Variants in STIM2 observed in about 807,000 individuals in gnomAD.
STIM2 encodes the protein stromal interaction molecule 2.
A neutral mutation model predicts 85.8 loss-of-function variants in STIM2; 31 were observed. The observed-to-expected ratio is 0.36, with a 90% CI of 0.27 to 0.49. The LOEUF (loss-of-function observed/expected upper bound fraction) is 0.49, where lower values mean the gene tolerates loss of function less well. STIM2 is among the 20% of genes least tolerant of loss of function. The pLI, the probability that STIM2 is intolerant of heterozygous loss-of-function variation, is 0.98. For missense variants in STIM2, 841 were observed against 927.6 expected, an observed-to-expected ratio of 0.91 and a Z score of 1.21; for synonymous variants, 356 against 331.1, an observed-to-expected ratio of 1.08 and a Z score of -0.82.
intron 1 of STIM2, among the ~76,000 whole-genome samples, chr4:26,871,892 G>C (rs1424630148): frequency 6.6e-6 from 1 of 151,956 alleles, no homozygotes; most frequent in Non-Finnish European, 1.5e-5. Flanking sequence ...TCTAGACTAG[G>C]GCAGGATTTC....
Position 26,889,613 on chromosome 4 carries a change from T to C in STIM2, c.151+28244T>C, listed in dbSNP as rs191492363. 1.4e-4 allele frequency among the ~76,000 whole-genome samples: 22 copies of C among 152,268 alleles called. No homozygotes were observed. In the East Asian group the frequency reaches 4.2e-3, roughly 29 times the overall value. On this transcript the variant is annotated intron_variant, in intron 1 of 11. Transcript: ENST00000467087. ...GTTGGCTGATCACTCTGGGGAACGG[T>C]GCCATATCAGGGACTCATTATTGGT...
In STIM2 at chr4:26,973,383, T is replaced by C. The variant is rs188203804; in HGVS notation, c.397+15657T>C. ...TTTCTCTTGTGGGCATTTAGTGCTATAAATTTCCCTCTACACACTACTTTA... is the reference window on the plus strand; with the variant it reads ...TTTCTCTTGTGGGCATTTAGTGCTACAAATTTCCCTCTACACACTACTTTA... On this transcript the variant is annotated intron_variant, in intron 3 of 11. Transcript: ENST00000467087. Among the ~76,000 whole-genome samples, 789 of 152,346 alleles carry C rather than the reference T, an allele frequency of 5.2e-3. 8 individuals are homozygous for C. Among genetic ancestry groups the C allele is most frequent in the African/African-American group, 0.018 (766 of 41,574 alleles).
intron 1 of STIM2, among the ~76,000 whole-genome samples, chr4:26,899,166 A>G (rs1723827094): frequency 6.6e-6 from 1 of 152,036 alleles, no homozygotes; most frequent in Non-Finnish European, 1.5e-5. Context: ...TTTATGGGCT[A>G]CTGTTTTACG....
At chr4:26,894,592 G>A (rs1014909891) in intron 1 of STIM2, among the ~76,000 whole-genome samples, 4 of 150,850 alleles carry the variant, frequency 2.7e-5, no homozygotes, top group African/African-American at 7.3e-5. Context: ...GGTGCTAGTT[G>A]TGTCGTATAG....
At position 27,002,222 on chromosome 4, in the gene STIM2, C is replaced by G. The variant is rs753883702; in HGVS notation, c.631C>G (p.Pro211Ala). The G allele has an allele frequency of 6.2e-7, 1 of 1,606,422 alleles. No individual in the cohort carries two copies. The highest frequency in any genetic ancestry group is 2.2e-5 in the East Asian group (1 of 44,700). Reference sequence around the variant, plus strand: ...ATCTGTAATTCTTTTAATAGGCCCACCTCATAACTGGATGAAAGATTTTAT... The same window carrying G: ...ATCTGTAATTCTTTTAATAGGCCCAGCTCATAACTGGATGAAAGATTTTAT... Residue 211 changes from proline to alanine, a missense_variant, in exon 6 of 12, where the codon CCT becomes GCT. This residue lies in a region of STIM2 where 408 missense variants were observed against 525.4 expected (regional missense o/e 0.78). Coordinates refer to ENST00000467087, the MANE Select transcript of STIM2 (RefSeq NM_020860.4).
At chr4:27,012,250 C>G (rs1728583073) in intron 10 of STIM2, among the ~76,000 whole-genome samples, 2 of 152,080 alleles carry the variant, frequency 1.3e-5, no homozygotes, top group Non-Finnish European at 2.9e-5. Flanking sequence ...TTCAGAATTT[C>G]TACCCTTAAC....
At chr4:26,875,853 A>T (rs1375128182) in intron 1 of STIM2, among the ~76,000 whole-genome samples, 1 of 152,232 alleles carries the variant, frequency 6.6e-6, no homozygotes, top group East Asian at 1.9e-4. Context: ...TATATTCGCT[A>T]AAAGAAAGTA....
At chr4:27,005,367 C>A (rs116171408) in intron 7 of STIM2, among the ~76,000 whole-genome samples, 1 of 152,006 alleles carries the variant, frequency 6.6e-6, no homozygotes, top group South Asian at 2.1e-4. Context: ...CCCTATTATA[C>A]GTGAGACAAT....
At chr4:26,934,259 TA>T (rs1293503920) in intron 2 of STIM2, among the ~76,000 whole-genome samples, 3 of 152,170 alleles carry the variant, frequency 2.0e-5, no homozygotes, top group Non-Finnish European at 4.4e-5. Flanking sequence ...AATGTAAATG[TA>T]AATTCTAATA....
intron 1 of STIM2, among the ~76,000 whole-genome samples, chr4:26,863,445 A>G (rs1269562601): frequency 6.6e-6 from 1 of 152,162 alleles, no homozygotes; most frequent in Non-Finnish European, 1.5e-5. Context: ...ATATCTTGGT[A>G]AAGGTAAACT....
intron 3 of STIM2, among the ~76,000 whole-genome samples, chr4:26,977,305 A>G (rs891116300): frequency 6.6e-6 from 1 of 152,344 alleles, no homozygotes; most frequent in East Asian, 1.9e-4. Flanking sequence ...GGAGACAGAC[A>G]GGGACAGATC....
In STIM2 at chr4:26,860,847, G is replaced by T; in HGVS notation, c.-372G>T. The T allele has an allele frequency of 1.4e-6, 1 of 730,288 alleles. No individual in the cohort carries two copies. The highest frequency in any genetic ancestry group is 1.7e-6 in the Non-Finnish European group (1 of 592,078). The allele number at this position is 730,288 out of a possible 1,614,324, so 45.2% of individuals were successfully genotyped here. A position where few individuals can be genotyped will look rare whatever the true frequency, so the allele number is the denominator to read the frequency against. On this transcript the variant is annotated 5_prime_UTR_variant, in exon 1 of 12. Transcript: ENST00000467087. ...GTTGGTGTTTGGCGGCGCCAGAGCA[G>T]CGGATCCCGGTCTCGCCGCAGCAGC...
chr4:26,909,263 T>G (rs2109058150), intron 1 of STIM2, among the ~76,000 whole-genome samples: 1 of 152,332 alleles, frequency 6.6e-6, no homozygotes, highest in East Asian at 1.9e-4. Context: ...TACAAATATG[T>G]GCCATACTCT....
At chr4:27,012,428 T>A (rs1245154760) in intron 10 of STIM2, among the ~76,000 whole-genome samples, 1 of 142,980 alleles carries the variant, frequency 7.0e-6, no homozygotes, top group Non-Finnish European at 1.5e-5. Flanking sequence ...ATTTTCTCTG[T>A]GCAGGTCTTG....
intron 2 of STIM2, among the ~76,000 whole-genome samples, chr4:26,947,112 T>C (rs1192852243): frequency 7.0e-6 from 1 of 143,058 alleles, no homozygotes; most frequent in Non-Finnish European, 1.6e-5. Context: ...TTTCTTTCAT[T>C]GGCTTTCTAC....
At position 27,023,149 on chromosome 4, in the gene STIM2, A is replaced by G; in HGVS notation, c.*153A>G. 1.4e-6 allele frequency: 1 copy of G among 701,950 alleles called. No individual in the cohort carries two copies. The highest frequency in any genetic ancestry group is 2.4e-6 in the Non-Finnish European group (1 of 410,126). 43.5% of individuals were successfully genotyped at this position (701,950 alleles called of 1,614,324 possible). ...GCCATAGTGGAACATCCAGAAGGGCAACTGTCTACTGTCTGCTTATTTAAG... is the reference window on the plus strand; with the variant it reads ...GCCATAGTGGAACATCCAGAAGGGCGACTGTCTACTGTCTGCTTATTTAAG... On this transcript the variant is annotated 3_prime_UTR_variant, in exon 12 of 12. Coordinates refer to ENST00000467087, the MANE Select transcript of STIM2 (RefSeq NM_020860.4).
intron 1 of STIM2, among the ~76,000 whole-genome samples, chr4:26,912,764 G>A (rs1486122981): frequency 6.6e-6 from 1 of 152,098 alleles, no homozygotes; most frequent in Non-Finnish European, 1.5e-5. Context: ...TGTTGTGATA[G>A]GCATTCTTTG....
chr4:26,983,095 C>G (rs533798476), intron 3 of STIM2, among the ~76,000 whole-genome samples: 2 of 152,030 alleles, frequency 1.3e-5, no homozygotes, highest in African/African-American at 4.8e-5. Flanking sequence ...CATGTGGGAC[C>G]AGATTACTTC....
intron 3 of STIM2, among the ~76,000 whole-genome samples, chr4:26,962,056 C>T (rs1237168168): frequency 6.6e-6 from 1 of 152,144 alleles, no homozygotes; most frequent in Non-Finnish European, 1.5e-5. Context: ...CAGCCTCCTT[C>T]TTTAGTTACC....
Sources: gnomAD v4.1 joint callset for allele counts (sites outside exome capture counted in the v4.1 genomes callset) on GRCh38, gnomAD v4.1.1 for gene constraint, gnomAD v4.1.1 regional missense constraint, MANE v1.5 for transcripts, NCBI Gene and HGNC (gene_info 2026-07-23, HGNC 2026-07-21) for gene names.